Variants in GSDME observed in about 807,000 individuals in gnomAD.
GSDME encodes gasdermin E, also known as gasdermin-E.
Under a neutral mutation model 47.5 loss-of-function variants are expected in GSDME, and 44 were observed. The ratio of observed to expected loss-of-function variants is 0.93; its 90% CI spans 0.73 to 1.19. The LOEUF (loss-of-function observed/expected upper bound fraction) is 1.19, where lower values mean the gene tolerates loss of function less well. GSDME is among the 50% of genes most tolerant of loss of function. The probability of loss-of-function intolerance (pLI) is 0.00; values close to 1 mark genes in which losing one functional copy is unlikely to be tolerated. For synonymous variants in GSDME, 258 were observed against 252.8 expected, an observed-to-expected ratio of 1.02 and a Z score of -0.20; for missense variants, 663 against 604.2, an observed-to-expected ratio of 1.10 and a Z score of -1.02.
chr7:24,707,324 G>A, intron 7 of GSDME: 2 of 471,314 alleles, frequency 4.2e-6, no homozygotes, highest in African/African-American at 2.0e-5. Flanking sequence ...AAGAAAGGGA[G>A]GACACAGAAT....
chr7:24,729,583 G>T (rs1015957619), intron 3 of GSDME, among the ~76,000 whole-genome samples: 10 of 152,374 alleles, frequency 6.6e-5, no homozygotes, highest in African/African-American at 2.4e-4. Flanking sequence ...AATTGGCTGG[G>T]TGACACAGGA....
chr7:24,755,726 CTCCCTGTTCAGCT>C (rs1267661528), intron 1 of GSDME, among the ~76,000 whole-genome samples: 1 of 152,212 alleles, frequency 6.6e-6, no homozygotes, highest in East Asian at 1.9e-4. Context: ...ACTCTGCTGG[CTCCCTGTTCAGCT>C]TTTTTTCTGT....
intron 2 of GSDME, 65 bp downstream of exon 2, chr7:24,749,499 A>C: frequency 6.8e-6 from 3 of 438,724 alleles, no homozygotes; most frequent in Non-Finnish European, 3.4e-6. Flanking sequence ...CTCTGTGTCA[A>C]AAAAAAAAAA....
At position 24,733,349 on chromosome 7, in the gene GSDME, CT is replaced by C. The variant is rs1475356639; in HGVS notation, c.404+11212del. ...AGCTGTGGTCAGGTGTGACTCGGCACTTTCACAGCTGTGCTGGCTATGAGGA... is the reference window on the plus strand; with the variant it reads ...AGCTGTGGTCAGGTGTGACTCGGCACTTCACAGCTGTGCTGGCTATGAGGA... On this transcript the variant is annotated intron_variant, in intron 3 of 9. Transcript: ENST00000645220. This position sits in a 1 kb window ranked among gnomAD's most constrained non-coding sequence, Gnocchi z 4.3. Among the ~76,000 whole-genome samples the C allele has an allele frequency of 6.6e-6, 1 of 152,044 alleles. No homozygotes were observed. The highest frequency in any genetic ancestry group is 2.4e-5 in the African/African-American group (1 of 41,388).
upstream of GSDME, among the ~76,000 whole-genome samples, chr7:24,760,708 C>G (rs1471526978): frequency 6.6e-6 from 1 of 152,166 alleles, no homozygotes; most frequent in Non-Finnish European, 1.5e-5. This position sits in a 1 kb window ranked among gnomAD's most constrained non-coding sequence, Gnocchi z 4.2. Context: ...TAAAATTTGG[C>G]ATACATTGAT....
Position 24,699,101 on chromosome 7 carries a change from C to G in GSDME, c.1416G>C (p.Lys472Asn). 1.2e-6 allele frequency: 2 copies of G among 1,614,136 alleles called. No individual in the cohort carries two copies. Among genetic ancestry groups the G allele is most frequent in the African/African-American group, 1.3e-5 (1 of 75,026 alleles). Residue 472 changes from lysine to asparagine, a missense_variant, in exon 10 of 10, where the codon AAG (lysine) becomes AAC (asparagine). Physicochemically the swap from Lys to Asn is moderately conservative, Grantham distance 94. Coordinates refer to ENST00000645220, the MANE Select transcript of GSDME (RefSeq NM_001127453.2). Reference protein sequence around the residue: ...LKSSVKAVILKDSKVFPLLLC... With the variant: ...LKSSVKAVILNDSKVFPLLLC... ...GAAGCAGTGGGAAGACTTTAGAGTC[C>G]TTCAGAATGACAGCTTTCACAGATG... is the stretch of plus-strand genomic sequence containing the variant.
At chr7:24,792,840 G>A in the GSDME span, among the ~76,000 whole-genome samples, 2 of 152,074 alleles carry the variant, frequency 1.3e-5, no homozygotes, top group African/African-American at 2.4e-5. Context: ...GTAATTTTCA[G>A]GCTGGTGCTG....
the GSDME span, among the ~76,000 whole-genome samples, chr7:24,794,114 CTG>C: frequency 1.3e-5 from 2 of 152,198 alleles, no homozygotes; most frequent in African/African-American, 4.8e-5. Context: ...ATAGTGTACA[CTG>C]TTTTTTTCTT....
At chr7:24,729,763 T>G (rs1445983869) in intron 3 of GSDME, among the ~76,000 whole-genome samples, 1 of 152,130 alleles carries the variant, frequency 6.6e-6, no homozygotes, top group Admixed American at 6.6e-5. Context: ...GGCTAGAGAT[T>G]GAAAGCATGG....
chr7:24,715,355 A>C, intron 5 of GSDME: 1 of 431,306 alleles, frequency 2.3e-6, no homozygotes, highest in Non-Finnish European at 4.8e-6. Flanking sequence ...CTCACCACAC[A>C]CATGCAGAGG....
intron 3 of GSDME, among the ~76,000 whole-genome samples, chr7:24,737,693 CA>C (rs34810482): frequency 0.52 from 75,653 of 146,542 alleles, 20,812 homozygotes; most frequent in East Asian, 0.95. Context: ...AAAGACACAT[CA>C]AAAAAAAAAA....
At chr7:24,783,258 T>G in the GSDME span, among the ~76,000 whole-genome samples, 1 of 152,180 alleles carries the variant, frequency 6.6e-6, no homozygotes, top group Admixed American at 6.5e-5. Flanking sequence ...GCTCAGAGCA[T>G]TCACATCCTG....
chr7:24,723,069 T>C (rs1003272446), intron 3 of GSDME, among the ~76,000 whole-genome samples: 11 of 152,182 alleles, frequency 7.2e-5, no homozygotes, highest in East Asian at 1.9e-4. Context: ...GCAGGCATCA[T>C]CCACCTAGCA....
chr7:24,707,869 C>T (rs1049204784), intron 7 of GSDME: 1 of 575,098 alleles, frequency 1.7e-6, no homozygotes, highest in African/African-American at 1.9e-5. Context: ...CTTTTGGGCT[C>T]CAAAACTATG....
At chr7:24,727,679 G>A (rs540648161) in intron 3 of GSDME, among the ~76,000 whole-genome samples, 1 of 152,350 alleles carries the variant, frequency 6.6e-6, no homozygotes, top group Admixed American at 6.5e-5. Flanking sequence ...ATTTCATTAA[G>A]TGGGAAAGTC....
At position 24,725,598 on chromosome 7, in the gene GSDME, C is replaced by T. The variant is rs557039899; in HGVS notation, c.405-6380G>A. 3.3e-5 allele frequency among the ~76,000 whole-genome samples: 5 copies of T among 152,204 alleles called. No individual in the cohort carries two copies. In the East Asian group the frequency reaches 7.7e-4, roughly 24 times the overall value. On this transcript the variant is annotated intron_variant, in intron 3 of 9. Coordinates refer to ENST00000645220, the MANE Select transcript of GSDME (RefSeq NM_001127453.2). This position sits in a 1 kb window ranked among gnomAD's most constrained non-coding sequence, Gnocchi z 5.1. ...GGGGTGCGCATGAGAGGGTCGTGATCGATTGAGCAAGCAGTGGGTACGTGA... is the reference window on the plus strand; with the variant it reads ...GGGGTGCGCATGAGAGGGTCGTGATTGATTGAGCAAGCAGTGGGTACGTGA...
At position 24,735,002 on chromosome 7, in the gene GSDME, T is replaced by A. The variant is rs13229064; in HGVS notation, c.404+9560A>T. ...AAGAAGACTATCTCAAGGCATTTAA[T>A]AAGCAAATTCCCAAAAATCAAGGAT... On this transcript the variant is annotated intron_variant, in intron 3 of 9. Transcript: ENST00000645220. The surrounding 1 kb of genome is among the most constrained non-coding windows in gnomAD (Gnocchi z 4.4). Among the ~76,000 whole-genome samples, 1 of 152,060 alleles carries A rather than the reference T, an allele frequency of 6.6e-6. No homozygotes were observed. The highest frequency in any genetic ancestry group is 2.4e-5 in the African/African-American group (1 of 41,404).
chr7:24,732,295 G>GT lies in GSDME; in HGVS notation c.404+12266dup, dbSNP rs1479793356. Among the ~76,000 whole-genome samples, 1 of 152,162 alleles carries GT rather than the reference G, an allele frequency of 6.6e-6. No homozygotes were observed. The highest frequency in any genetic ancestry group is 1.5e-5 in the Non-Finnish European group (1 of 68,030). ...AGGAAGGAAGCCCAGTTCAAACTTTGTTTTTTCCAAGAAAGACATGGCTCC... is the reference window on the plus strand; with the variant it reads ...AGGAAGGAAGCCCAGTTCAAACTTTGTTTTTTTCCAAGAAAGACATGGCTCC... On this transcript the variant is annotated intron_variant, in intron 3 of 9. Coordinates refer to ENST00000645220, the MANE Select transcript of GSDME (RefSeq NM_001127453.2). This position sits in a 1 kb window ranked among gnomAD's most constrained non-coding sequence, Gnocchi z 4.8.
rs548455790 is a variant in GSDME, at chr7:24,714,581, C to T, written c.697+2673G>A. On this transcript the variant is annotated intron_variant, in intron 5 of 9. Transcript: ENST00000645220. The surrounding 1 kb of genome is among the most constrained non-coding windows in gnomAD (Gnocchi z 5.0). The stretch of plus-strand genomic sequence containing the variant: ...ACGAGCCAAGGGAAGGCCGAGATAT[C>T]CCCAGGGTACCTCTTCTCAGCAGCA... Among the ~76,000 whole-genome samples the T allele has an allele frequency of 3.9e-4, 59 of 152,244 alleles. No homozygotes were observed. Among genetic ancestry groups the T allele is most frequent in the African/African-American group, 1.2e-3 (50 of 41,540 alleles).
Sources: allele counts gnomAD v4.1 joint callset (sites outside exome capture counted in the v4.1 genomes callset), GRCh38; gene constraint gnomAD v4.1.1; non-coding constraint Gnocchi (gnomAD v3.1); transcripts MANE v1.5; gene names NCBI Gene and HGNC (gene_info 2026-07-23, HGNC 2026-07-21).